Variants in SLC30A8 observed in about 807,000 individuals in gnomAD.
The protein encoded by SLC30A8 is proton-coupled zinc antiporter SLC30A8.
Under a neutral mutation model 36.9 loss-of-function variants are expected in SLC30A8, and 27 were observed. That is an observed-to-expected ratio of 0.73 (90% CI 0.54 to 1.01). The LOEUF is 1.01. Ranked by LOEUF, SLC30A8 falls within the 50% of genes least tolerant of loss-of-function variation. SLC30A8 has a pLI of 0.00. For missense variants in SLC30A8, 439 were observed against 452.0 expected, an observed-to-expected ratio of 0.97 and a Z score of 0.26; for synonymous variants, 164 against 172.4, an observed-to-expected ratio of 0.95 and a Z score of 0.38.
At chr8:117,070,373 G>A (rs1254447727) in intron 2 of SLC30A8, among the ~76,000 whole-genome samples, 1 of 152,064 alleles carries the variant, frequency 6.6e-6, no homozygotes, top group African/African-American at 2.4e-5. Flanking sequence ...AAAGACACTG[G>A]TTCTCCTAAA....
chr8:117,028,419 C>T (rs534442540), intron 1 of SLC30A8, among the ~76,000 whole-genome samples: 1 of 152,238 alleles, frequency 6.6e-6, no homozygotes, highest in Non-Finnish European at 1.5e-5. Context: ...GGCACTGTTG[C>T]CCCTGATTTC....
At chr8:117,074,819 A>T (rs1295510554) in intron 2 of SLC30A8, among the ~76,000 whole-genome samples, 8 of 152,232 alleles carry the variant, frequency 5.3e-5, no homozygotes, top group Admixed American at 2.6e-4. Flanking sequence ...TCATTAAAAT[A>T]GTAAGATCCG....
At chr8:117,141,429 C>T (rs1244956147) in intron 1 of SLC30A8, among the ~76,000 whole-genome samples, 1 of 152,134 alleles carries the variant, frequency 6.6e-6, no homozygotes, top group Non-Finnish European at 1.5e-5. Context: ...ATGATTATCT[C>T]ACTAGATGCA....
intron 1 of SLC30A8, among the ~76,000 whole-genome samples, chr8:117,012,764 G>A (rs1816390684): frequency 1.2e-5 from 1 of 86,878 alleles, no homozygotes; most frequent in Non-Finnish European, 2.6e-5. Flanking sequence ...CACACACGGT[G>A]GATCCTCAAA....
At chr8:117,159,913 G>A (rs1287172729) in intron 4 of SLC30A8, among the ~76,000 whole-genome samples, 2 of 152,190 alleles carry the variant, frequency 1.3e-5, no homozygotes, top group South Asian at 2.1e-4. Context: ...TCTTTTTCTC[G>A]TAACTGCTTT....
intron 2 of SLC30A8, among the ~76,000 whole-genome samples, chr8:117,114,854 G>C (rs189705127): frequency 0.015 from 2,217 of 151,984 alleles, 47 homozygotes; most frequent in African/African-American, 0.047. Flanking sequence ...TATACTTTAG[G>C]CTCTGTAAGT....
At chr8:117,054,706 G>T (rs1817813942) in intron 2 of SLC30A8, among the ~76,000 whole-genome samples, 1 of 149,948 alleles carries the variant, frequency 6.7e-6, no homozygotes, top group African/African-American at 2.5e-5. Flanking sequence ...ATTTTGATAT[G>T]AGGTATTCCA....
At position 116,958,841 on chromosome 8, in the gene SLC30A8, ATTTTTTTTTTT is replaced by A. The variant is rs758505118; in HGVS notation, c.-266+7740_-266+7750del. On this transcript the variant is annotated intron_variant, in intron 1 of 10. Coordinates refer to the SLC30A8 transcript ENST00000427715. Reference sequence around the variant, plus strand: ...CCTATAGCCCACTGATGCTCTTTTCATTTTTTTTTTTTTTTTTTTTTTTTTTTTGAGGCAGA... The same window carrying A: ...CCTATAGCCCACTGATGCTCTTTTCATTTTTTTTTTTTTTTTTGAGGCAGA... Among the ~76,000 whole-genome samples, 533 of 60,034 alleles carry A rather than the reference ATTTTTTTTTTT, an allele frequency of 8.9e-3. 1 individual carries two copies. The highest frequency in any genetic ancestry group is 0.012 in the Non-Finnish European group (410 of 33,552). 39.4% of individuals were successfully genotyped at this position (60,034 alleles called of 152,430 possible). A position where few individuals can be genotyped will look rare whatever the true frequency, so the allele number is the denominator to read the frequency against.
chr8:117,053,111 C>A (rs1839899774), intron 2 of SLC30A8, among the ~76,000 whole-genome samples: 1 of 152,046 alleles, frequency 6.6e-6, no homozygotes, highest in Non-Finnish European at 1.5e-5. Flanking sequence ...GATGAGGTTT[C>A]ATTGTGTTAG....
intron 2 of SLC30A8, among the ~76,000 whole-genome samples, chr8:117,106,621 T>G (rs190142591): frequency 2.5e-3 from 381 of 151,704 alleles, no homozygotes; most frequent in Non-Finnish European, 2.9e-3. Context: ...GACCCAGAAC[T>G]TGGATTGGCT....
chr8:117,086,120 T>C (rs1054183059), intron 2 of SLC30A8, among the ~76,000 whole-genome samples: 38 of 152,192 alleles, frequency 2.5e-4, no homozygotes, highest in African/African-American at 8.9e-4. Context: ...CAAGATTTTG[T>C]TGGAAGTGTA....
Position 117,153,050 on chromosome 8 carries a change from G to C in SLC30A8, c.378G>C (p.Lys126Asn), listed in dbSNP as rs779833277. 1 of 1,612,906 alleles carries C rather than the reference G, an allele frequency of 6.2e-7. No individual in the cohort carries two copies. The highest frequency in any genetic ancestry group is 1.3e-5 in the African/African-American group (1 of 74,874). The change falls in exon 3 of 8, where the codon AAG becomes AAC. Residue 126 changes from lysine (K) to asparagine (N), a missense_variant. By Grantham distance (94) the Lys-to-Asn change is moderately conservative (BLOSUM62 0). Transcript: ENST00000456015. ...TCTTCTCCCTGTGGTTGTCATCGAA[G>C]CCTCCCTCTAAGCGGCTGACATTTG... ...LSLFSLWLSS[K>N]PPSKRLTFGW...
intron 4 of SLC30A8, among the ~76,000 whole-genome samples, chr8:117,159,096 GACAAGA>G (rs1822647677): frequency 1.3e-5 from 2 of 152,176 alleles, no homozygotes; most frequent in African/African-American, 4.8e-5. Flanking sequence ...AGCTAGAAAA[GACAAGA>G]ACATGAATTT....
At chr8:117,110,346 G>T (rs2130877555) in intron 2 of SLC30A8, among the ~76,000 whole-genome samples, 1 of 152,238 alleles carries the variant, frequency 6.6e-6, no homozygotes. Context: ...CAGAGGTGAG[G>T]ACTTCTTTCC....
At chr8:116,990,755 TA>T (rs1185437823) in intron 1 of SLC30A8, among the ~76,000 whole-genome samples, 2 of 152,174 alleles carry the variant, frequency 1.3e-5, no homozygotes, top group African/African-American at 4.8e-5. Context: ...TGCACCATGA[TA>T]ATGTAAGATG....
chr8:116,982,641 C>T (rs1455777003), intron 1 of SLC30A8, among the ~76,000 whole-genome samples: 1 of 152,132 alleles, frequency 6.6e-6, no homozygotes, highest in Non-Finnish European at 1.5e-5. Flanking sequence ...TTATTCCAGT[C>T]AGAATCAATT....
chr8:117,120,837 T>C (rs1820666283), intron 2 of SLC30A8, among the ~76,000 whole-genome samples: 1 of 151,434 alleles, frequency 6.6e-6, no homozygotes, highest in Non-Finnish European at 1.5e-5. Flanking sequence ...AACAGACATT[T>C]CTCCAAAAAA....
chr8:117,075,536 T>A (rs530014956), intron 2 of SLC30A8, among the ~76,000 whole-genome samples: 1 of 152,336 alleles, frequency 6.6e-6, no homozygotes, highest in South Asian at 2.1e-4. Flanking sequence ...TCTCATAAAA[T>A]GTCATTGTGA....
At chr8:116,969,555 C>T (rs993976115) in intron 1 of SLC30A8, among the ~76,000 whole-genome samples, 13 of 152,096 alleles carry the variant, frequency 8.5e-5, no homozygotes, top group African/African-American at 3.1e-4. Flanking sequence ...CTGAGAAATG[C>T]GCTGTCAGGT....
Sources: gnomAD v4.1 joint callset for allele counts (sites outside exome capture counted in the v4.1 genomes callset) on GRCh38, gnomAD v4.1.1 for gene constraint, MANE v1.5 for transcripts, NCBI Gene and HGNC (gene_info 2026-07-23, HGNC 2026-07-21) for gene names.